LHFPL6: variants seen among roughly 807,000 people sequenced by gnomAD.
LHFPL6 encodes the protein LHFPL tetraspan subfamily member 6 protein.
LHFPL6 carries 9 observed loss-of-function variants against 20.6 expected under a neutral mutation model. The observed-to-expected ratio is 0.44, with a 90% CI of 0.26 to 0.76. The LOEUF is 0.76. Ranked by LOEUF, LHFPL6 falls within the 30% of genes least tolerant of loss-of-function variation. The pLI is 0.20. For missense variants in LHFPL6, 218 were observed against 253.5 expected (o/e 0.86, Z 0.95); for synonymous variants, 105 against 98.7 (o/e 1.06, Z -0.38).
intron 2 of LHFPL6, among the ~76,000 whole-genome samples, chr13:39,474,265 A>G (rs1873024017): frequency 6.6e-6 from 1 of 152,242 alleles, no homozygotes; most frequent in African/African-American, 2.4e-5. Context: ...ACTTGTTGTA[A>G]TAATACAGCT....
chr13:39,491,947 G>T (rs1868940178), intron 2 of LHFPL6, among the ~76,000 whole-genome samples: 1 of 152,168 alleles, frequency 6.6e-6, no homozygotes, highest in Non-Finnish European at 1.5e-5. Flanking sequence ...AACAAGAGAT[G>T]GCAGAAATTT....
At chr13:39,591,654 C>T (rs1872594669) in intron 2 of LHFPL6, among the ~76,000 whole-genome samples, 1 of 152,218 alleles carries the variant, frequency 6.6e-6, no homozygotes, top group African/African-American at 2.4e-5. Context: ...TGTGGACCAT[C>T]TGTGTCTAGA....
At chr13:39,495,186 G>A (rs569699520) in intron 2 of LHFPL6, among the ~76,000 whole-genome samples, 13 of 152,268 alleles carry the variant, frequency 8.5e-5, no homozygotes, top group South Asian at 2.1e-4. Flanking sequence ...AAGTACATTC[G>A]CTATGTGTTG....
chr13:39,545,381 C>T (rs1284007505), intron 2 of LHFPL6, among the ~76,000 whole-genome samples: 2 of 152,058 alleles, frequency 1.3e-5, no homozygotes, highest in African/African-American at 4.8e-5. Context: ...TGTGTCCATT[C>T]CTAAAATGCA....
At chr13:39,490,499 A>G (rs924772394) in intron 2 of LHFPL6, among the ~76,000 whole-genome samples, 3 of 152,024 alleles carry the variant, frequency 2.0e-5, no homozygotes, top group Non-Finnish European at 4.4e-5. Flanking sequence ...CTCCATCTCC[A>G]CTCTGGAAAA....
In LHFPL6 at chr13:39,487,477, A is replaced by C. The variant is rs866845909; in HGVS notation, c.386-108951T>G. Reference sequence around the variant, plus strand: ...TAGTGTGGCCAACTGTGAAATAAGAAAGATAATGACAACAAAAATAATAGG... The same window carrying C: ...TAGTGTGGCCAACTGTGAAATAAGACAGATAATGACAACAAAAATAATAGG... On this transcript the variant is annotated intron_variant, in intron 2 of 3. Coordinates refer to ENST00000379589, the MANE Select transcript of LHFPL6 (RefSeq NM_005780.3). Among the ~76,000 whole-genome samples the C allele has an allele frequency of 1.4e-4, 21 of 152,320 alleles. 2 individuals carry two copies. In the Middle Eastern group the frequency reaches 0.01, roughly 74 times the overall value.
chr13:39,444,934 C>T (rs914470599), intron 2 of LHFPL6, among the ~76,000 whole-genome samples: 1 of 152,194 alleles, frequency 6.6e-6, no homozygotes, highest in South Asian at 2.1e-4. Context: ...AAGACTTTAA[C>T]TTGTGAGAGC....
At chr13:39,533,531 C>A (rs1476337500) in intron 2 of LHFPL6, among the ~76,000 whole-genome samples, 1 of 152,210 alleles carries the variant, frequency 6.6e-6, no homozygotes, top group Non-Finnish European at 1.5e-5. Flanking sequence ...AGCTACTACA[C>A]TTAGCTGCAA....
intron 2 of LHFPL6, among the ~76,000 whole-genome samples, chr13:39,563,431 T>C (rs1158318613): frequency 6.6e-6 from 1 of 152,120 alleles, no homozygotes. Flanking sequence ...AGCATATTCC[T>C]AAGTGACTAG....
rs892908192 is a variant in LHFPL6 at position 39,542,047 on chromosome 13, T to C, written c.385+58785A>G. Among the ~76,000 whole-genome samples the C allele has an allele frequency of 9.3e-5, 14 of 150,868 alleles. 1 individual carries two copies. The highest frequency in any genetic ancestry group is 2.6e-4 in the Admixed American group (4 of 15,136). ...CAGAGCTTGCAGTGAGCCGAGATCA[T>C]GCCACTGCACTCCAGCCTGGGCAAC... On this transcript the variant is annotated intron_variant, in intron 2 of 3. Coordinates refer to ENST00000379589, the MANE Select transcript of LHFPL6 (RefSeq NM_005780.3).
intron 2 of LHFPL6, among the ~76,000 whole-genome samples, chr13:39,497,644 A>G (rs1363539189): frequency 1.3e-5 from 2 of 152,192 alleles, no homozygotes; most frequent in Non-Finnish European, 2.9e-5. Context: ...AACTGGTAAT[A>G]TGTGTACAGG....
chr13:39,395,546 C>T (rs533409052), intron 2 of LHFPL6, among the ~76,000 whole-genome samples: 3 of 152,158 alleles, frequency 2.0e-5, no homozygotes, highest in South Asian at 2.1e-4. Flanking sequence ...CATTCCTCCC[C>T]GGAGCCTGGG....
intron 2 of LHFPL6, among the ~76,000 whole-genome samples, chr13:39,384,029 C>A (rs1300120565): frequency 6.6e-6 from 1 of 152,206 alleles, no homozygotes; most frequent in Admixed American, 6.5e-5. Flanking sequence ...AACGTTAAAT[C>A]CCTGGGCTAC....
chr13:39,490,533 C>T (rs1170439594), intron 2 of LHFPL6, among the ~76,000 whole-genome samples: 2 of 152,182 alleles, frequency 1.3e-5, no homozygotes, highest in Non-Finnish European at 2.9e-5. Context: ...GCAATGAATG[C>T]AGGTTTGCTG....
chr13:39,522,693 A>G (rs1409141181), intron 2 of LHFPL6, among the ~76,000 whole-genome samples: 1 of 152,222 alleles, frequency 6.6e-6, no homozygotes, highest in Non-Finnish European at 1.5e-5. Flanking sequence ...TTGGAGAGAA[A>G]ATTCATCATG....
intron 2 of LHFPL6, among the ~76,000 whole-genome samples, chr13:39,455,096 G>A (rs1872538763): frequency 2.0e-5 from 3 of 152,108 alleles, no homozygotes; most frequent in African/African-American, 7.2e-5. Context: ...CTTGTACATG[G>A]GTCATGGGCT....
intron 2 of LHFPL6, among the ~76,000 whole-genome samples, chr13:39,453,655 G>A (rs998480284): frequency 1.6e-4 from 25 of 152,190 alleles, no homozygotes; most frequent in African/African-American, 6.0e-4. Flanking sequence ...ATTGGTAAGG[G>A]AGTGTTTCTA....
intron 2 of LHFPL6, among the ~76,000 whole-genome samples, chr13:39,534,302 T>G (rs6563723): frequency 0.79 from 119,679 of 152,002 alleles, 47,933 homozygotes; most frequent in Middle Eastern, 0.86. Context: ...TTGTTAATCC[T>G]CCTGCCCTCA....
Position 39,426,511 on chromosome 13 carries a change from C to T in LHFPL6, c.386-47985G>A, listed in dbSNP as rs1351013834. Among the ~76,000 whole-genome samples, 5 of 152,228 alleles carry T rather than the reference C, an allele frequency of 3.3e-5. No individual in the cohort carries two copies. In the East Asian group the frequency reaches 5.8e-4, roughly 18 times the overall value. On this transcript the variant is annotated intron_variant, in intron 2 of 3. Transcript: ENST00000379589. The stretch of plus-strand genomic sequence containing the variant: ...CGGGGATTAAAGGTGTGAGCCATCG[C>T]GCCTGGCCTAATTTACTTTATTTTC...
Sources: gnomAD v4.1 joint callset for allele counts (sites outside exome capture counted in the v4.1 genomes callset) on GRCh38, gnomAD v4.1.1 for gene constraint, MANE v1.5 for transcripts, NCBI Gene and HGNC (gene_info 2026-07-23, HGNC 2026-07-21) for gene names.